FAM171B: variants seen among roughly 807,000 people sequenced by gnomAD.
FAM171B encodes family with sequence similarity 171 member B.
FAM171B carries 19 observed loss-of-function variants against 75.6 expected under a neutral mutation model. The ratio of observed to expected loss-of-function variants is 0.25; its 90% CI spans 0.18 to 0.37. The LOEUF is 0.37. FAM171B is among the 10% of genes least tolerant of loss of function. The pLI is 1.00. For synonymous variants in FAM171B, 367 were observed against 361.7 expected (o/e 1.01, Z -0.17); for missense variants, 848 against 982.4 (o/e 0.86, Z 1.83).
At chr2:186,726,965 T>A (rs1690042395) in intron 1 of FAM171B, among the ~76,000 whole-genome samples, 1 of 152,210 alleles carries the variant, frequency 6.6e-6, no homozygotes, top group Non-Finnish European at 1.5e-5. Flanking sequence ...CCTGCAATTA[T>A]CATTCCTTTT....
intron 1 of FAM171B, among the ~76,000 whole-genome samples, chr2:186,722,487 T>C (rs1367248844): frequency 6.6e-6 from 1 of 151,962 alleles, no homozygotes; most frequent in Admixed American, 6.5e-5. Context: ...TACAGTACCA[T>C]TTTTTTATTC....
intron 3 of FAM171B, among the ~76,000 whole-genome samples, chr2:186,743,906 C>T (rs1175658690): frequency 6.6e-6 from 1 of 152,194 alleles, no homozygotes; most frequent in Non-Finnish European, 1.5e-5. Flanking sequence ...ACATATTGCT[C>T]AGGCCTTTGG....
In FAM171B at chr2:186,751,245, G is replaced by A. The variant is rs369698664; in HGVS notation, c.836G>A (p.Arg279His). 110 of 1,610,522 alleles carry A rather than the reference G, an allele frequency of 6.8e-5. No individual in the cohort carries two copies. Among genetic ancestry groups the A allele is most frequent in the Admixed American group, 1.0e-4 (6 of 59,922 alleles). The change falls in exon 5 of 8, where the codon CGT becomes CAT. Residue 279 changes from arginine (R) to histidine (H), a missense_variant. This residue lies in a region of FAM171B where 665 missense variants were observed against 729.0 expected (regional missense o/e 0.91). Coordinates refer to ENST00000304698, the MANE Select transcript of FAM171B (RefSeq NM_177454.4). Reference sequence around the variant, plus strand: ...ATTCAAGTTTCTCTTCCTCTTCTACGTCTGAATGATATAAGTGCAGGGGAT... The same window carrying A: ...ATTCAAGTTTCTCTTCCTCTTCTACATCTGAATGATATAAGTGCAGGGGAT... ...GSIQVSLPLLRLNDISAGDRI... is the reference protein window; with the variant it reads ...GSIQVSLPLLHLNDISAGDRI...
intron 5 of FAM171B, 92 bp downstream of exon 5, chr2:186,751,396 GT>G (rs1690453219): frequency 8.6e-7 from 1 of 1,157,246 alleles, no homozygotes. Context: ...TACAGCTCTA[GT>G]TTTTTAGTAA....
intron 3 of FAM171B, among the ~76,000 whole-genome samples, chr2:186,744,489 A>G (rs13030356): frequency 6.6e-6 from 1 of 152,078 alleles, no homozygotes; most frequent in African/African-American, 2.4e-5. Context: ...TCTCTTACTT[A>G]TGAAATACCA....
At chr2:186,754,812 C>T (rs1690508009) in intron 6 of FAM171B, among the ~76,000 whole-genome samples, 1 of 152,128 alleles carries the variant, frequency 6.6e-6, no homozygotes, top group Non-Finnish European at 1.5e-5. Flanking sequence ...TGTAAATTTC[C>T]TAAAAACATT....
intron 1 of FAM171B, among the ~76,000 whole-genome samples, chr2:186,726,108 C>T (rs936920542): frequency 3.9e-5 from 6 of 152,196 alleles, no homozygotes; most frequent in African/African-American, 1.4e-4. Context: ...TTTAAGCCTT[C>T]AGTCCTAATG....
intron 6 of FAM171B, 128 bp from the exon 7 acceptor site, chr2:186,760,985 C>A: frequency 1.1e-6 from 1 of 940,682 alleles, no homozygotes; most frequent in Non-Finnish European, 1.5e-6. Flanking sequence ...ATAGGGAAAT[C>A]TGTCATAGGA....
chr2:186,755,392 T>C (rs969765868), intron 6 of FAM171B, among the ~76,000 whole-genome samples: 6 of 152,200 alleles, frequency 3.9e-5, no homozygotes, highest in Admixed American at 3.9e-4. Flanking sequence ...AGTGAAGATT[T>C]TAGAGTAAAA....
chr2:186,736,566 G>GTGTGTGTGT (rs1553511472), intron 1 of FAM171B, among the ~76,000 whole-genome samples: 72 of 128,178 alleles, frequency 5.6e-4, no homozygotes, highest in East Asian at 3.7e-3. Context: ...GTGTGTGTGT[G>GTGTGTGTGT]GGAGAGAGAG....
At chr2:186,741,355 A>G (rs998972) in intron 2 of FAM171B, among the ~76,000 whole-genome samples, 48,960 of 151,992 alleles carry the variant, frequency 0.32, 8,615 homozygotes, top group South Asian at 0.42. Flanking sequence ...CATAAGCTAT[A>G]TATGAACATA....
intron 4 of FAM171B, among the ~76,000 whole-genome samples, 165 bp downstream of exon 4, chr2:186,747,415 C>T (rs756606502): frequency 2.6e-5 from 4 of 151,896 alleles, no homozygotes; most frequent in Non-Finnish European, 5.9e-5. Context: ...AAAAAATTCC[C>T]TTTAATGAAA....
chr2:186,761,930 C>T lies in FAM171B; in HGVS notation c.1588C>T (p.Gln530Ter). The change falls in exon 8 of 8, where the codon CAG becomes TAG. Residue 530 changes from glutamine (Q) to a stop codon, truncating the protein, a stop_gained. Transcript: ENST00000304698. LOFTEE classifies it high-confidence loss of function. ...GTATGGGCGTTCCCATATTCCTGAACAGCTTATGCATATTTACAGCCAACC... is the reference window on the plus strand; with the variant it reads ...GTATGGGCGTTCCCATATTCCTGAATAGCTTATGCATATTTACAGCCAACC... ...EAYGRSHIPEQLMHIYSQPIA... is the reference protein window; with the variant it reads ...EAYGRSHIPE 1 of 1,613,336 alleles carries T rather than the reference C, an allele frequency of 6.2e-7. No individual in the cohort carries two copies. The highest frequency in any genetic ancestry group is 8.5e-7 in the Non-Finnish European group (1 of 1,179,736).
chr2:186,699,989 T>G (rs1689633780), intron 1 of FAM171B, among the ~76,000 whole-genome samples: 1 of 152,276 alleles, frequency 6.6e-6, no homozygotes, highest in South Asian at 2.1e-4. Context: ...TCTTTGTCTG[T>G]TTTTATGCCA....
At chr2:186,730,627 T>C (rs900420521) in intron 1 of FAM171B, among the ~76,000 whole-genome samples, 1 of 152,216 alleles carries the variant, frequency 6.6e-6, no homozygotes, top group Non-Finnish European at 1.5e-5. Context: ...CCTTTGCAAA[T>C]CTATTTTTTT....
chr2:186,713,924 A>G (rs531504240), intron 1 of FAM171B, among the ~76,000 whole-genome samples: 8 of 152,236 alleles, frequency 5.3e-5, no homozygotes, highest in Non-Finnish European at 1.0e-4. Context: ...ATGAGCTAGA[A>G]TATTCCCAGC....
chr2:186,747,275 T>G, intron 4 of FAM171B, 25 bp downstream of exon 4: 1 of 1,484,542 alleles, frequency 6.7e-7, no homozygotes, highest in Non-Finnish European at 9.0e-7. Flanking sequence ...TTGTATAATA[T>G]AGTTATAAGA....
At chr2:186,718,830 G>A (rs887706662) in intron 1 of FAM171B, among the ~76,000 whole-genome samples, 13 of 152,250 alleles carry the variant, frequency 8.5e-5, no homozygotes, top group Admixed American at 4.6e-4. Flanking sequence ...TCTTTTGTAC[G>A]AAATGTGTAT....
chr2:186,703,553 A>G (rs1354591759), intron 1 of FAM171B, among the ~76,000 whole-genome samples: 2 of 152,186 alleles, frequency 1.3e-5, no homozygotes, highest in African/African-American at 4.8e-5. Flanking sequence ...ACACAAACAG[A>G]AACAGGATGG....
Sources: allele counts gnomAD v4.1 joint callset (sites outside exome capture counted in the v4.1 genomes callset), GRCh38; gene constraint gnomAD v4.1.1; regional missense constraint gnomAD v4.1.1; transcripts MANE v1.5; gene names NCBI Gene and HGNC (gene_info 2026-07-23, HGNC 2026-07-21).